Variants in SPEF2 observed in about 807,000 individuals in gnomAD.
SPEF2 encodes sperm flagellar and cilia associated 2.
Under a neutral mutation model 224.6 loss-of-function variants are expected in SPEF2, and 187 were observed. The ratio of observed to expected loss-of-function variants is 0.83; its 90% CI spans 0.74 to 0.94. The LOEUF (loss-of-function observed/expected upper bound fraction) is 0.94, where lower values mean the gene tolerates loss of function less well. Ranked by LOEUF, SPEF2 falls within the 40% of genes least tolerant of loss-of-function variation. The probability of loss-of-function intolerance (pLI) is 0.00; values close to 1 mark genes in which losing one functional copy is unlikely to be tolerated. For missense variants in SPEF2, 2,170 were observed against 2,135.6 expected, an observed-to-expected ratio of 1.02 and a Z score of -0.32; for synonymous variants, 715 against 707.3, an observed-to-expected ratio of 1.01 and a Z score of -0.17.
intron 32 of SPEF2, among the ~76,000 whole-genome samples, chr5:35,795,243 A>G (rs1324184535): frequency 6.6e-6 from 1 of 152,042 alleles, no homozygotes; most frequent in East Asian, 1.9e-4. Context: ...AAAACTAGCA[A>G]TGTACACCAG....
At chr5:35,642,671 T>C (rs1746769167) in intron 3 of SPEF2, among the ~76,000 whole-genome samples, 1 of 152,240 alleles carries the variant, frequency 6.6e-6, no homozygotes, top group Non-Finnish European at 1.5e-5. Context: ...TTATGGTAAA[T>C]GAAGTGCATT....
chr5:35,624,649 A>G (rs1050208632), intron 1 of SPEF2, among the ~76,000 whole-genome samples: 1 of 149,680 alleles, frequency 6.7e-6, no homozygotes, highest in Non-Finnish European at 1.5e-5. Flanking sequence ...GTCTTCTTTT[A>G]TTTTTTGAGA....
At chr5:35,754,554 T>A (rs779278210) in intron 24 of SPEF2, among the ~76,000 whole-genome samples, 6 of 152,058 alleles carry the variant, frequency 3.9e-5, no homozygotes, top group Non-Finnish European at 8.8e-5. Flanking sequence ...GGAGATAGAG[T>A]CCCTGTCTTC....
intron 36 of SPEF2, among the ~76,000 whole-genome samples, chr5:35,812,903 A>G (rs1224493424): frequency 6.6e-6 from 1 of 152,196 alleles, no homozygotes; most frequent in African/African-American, 2.4e-5. Context: ...TTATCTTTAT[A>G]ACAAAATATG....
chr5:35,804,550 A>G (rs1380346368), intron 34 of SPEF2, among the ~76,000 whole-genome samples: 1 of 152,020 alleles, frequency 6.6e-6, no homozygotes, highest in African/African-American at 2.4e-5. Flanking sequence ...GTTTGATCTC[A>G]GTCTCTCTCC....
intron 2 of SPEF2, among the ~76,000 whole-genome samples, chr5:35,640,598 T>G (rs1198386225): frequency 1.3e-5 from 2 of 152,204 alleles, no homozygotes; most frequent in African/African-American, 4.8e-5. Context: ...ATATTTAGTC[T>G]CATGCTGAGA....
rs191582104 is a variant in SPEF2 at position 35,692,087 on chromosome 5, C to A, written c.1745-483C>A. 1.9e-3 allele frequency among the ~76,000 whole-genome samples: 284 copies of A among 152,104 alleles called. 2 individuals carry two copies. Among genetic ancestry groups the A allele is most frequent in the African/African-American group, 6.6e-3 (274 of 41,534 alleles). On this transcript the variant is annotated intron_variant, in intron 11 of 36. Coordinates refer to ENST00000356031, the MANE Select transcript of SPEF2 (RefSeq NM_024867.4). ...TGCTGGGATTACAAGCATGAGCCAC[C>A]GTGCCCAGCCTTATCACGTTTTTTA...
At chr5:35,636,437 A>G (rs1024817072) in intron 2 of SPEF2, among the ~76,000 whole-genome samples, 9 of 152,140 alleles carry the variant, frequency 5.9e-5, no homozygotes, top group African/African-American at 1.9e-4. Flanking sequence ...CTACACATGC[A>G]TATGGCCTCA....
chr5:35,798,599 C>T (rs1002121497), intron 33 of SPEF2, among the ~76,000 whole-genome samples: 1 of 151,970 alleles, frequency 6.6e-6, no homozygotes, highest in African/African-American at 2.4e-5. Flanking sequence ...ACATAGTTTA[C>T]CTATTTTATT....
chr5:35,629,225 C>T (rs955307667), intron 2 of SPEF2, among the ~76,000 whole-genome samples: 3 of 127,620 alleles, frequency 2.4e-5, no homozygotes, highest in African/African-American at 6.3e-5. Flanking sequence ...GTGATCTCGG[C>T]TCACTGCAAG....
intron 34 of SPEF2, among the ~76,000 whole-genome samples, chr5:35,805,291 G>A (rs1482988043): frequency 6.6e-6 from 1 of 151,976 alleles, no homozygotes. Context: ...CAGAGCTATA[G>A]CAAATGTAAC....
chr5:35,695,082 G>A (rs1212272646), intron 13 of SPEF2, among the ~76,000 whole-genome samples: 1 of 152,122 alleles, frequency 6.6e-6, no homozygotes, highest in East Asian at 1.9e-4. Context: ...TTTACTATGA[G>A]CATACAACAC....
chr5:35,744,455 C>T (rs1016144578), intron 23 of SPEF2, among the ~76,000 whole-genome samples: 2 of 152,154 alleles, frequency 1.3e-5, no homozygotes, highest in African/African-American at 4.8e-5. Context: ...TCATTCCAAT[C>T]CTATGAAGTT....
At chr5:35,643,404 G>A (rs1260001448) in intron 3 of SPEF2, 2 of 447,550 alleles carry the variant, frequency 4.5e-6, no homozygotes, top group Non-Finnish European at 9.0e-6. Flanking sequence ...GAGGAAGAGG[G>A]TAACATAGAT....
chr5:35,756,642 T>C (rs1351730213), intron 24 of SPEF2, among the ~76,000 whole-genome samples: 1 of 152,188 alleles, frequency 6.6e-6, no homozygotes, highest in Admixed American at 6.5e-5. Flanking sequence ...ATCAAGAATC[T>C]GTGGTGTTGG....
At chr5:35,645,795 A>T (rs986793466) in intron 4 of SPEF2, among the ~76,000 whole-genome samples, 1 of 152,112 alleles carries the variant, frequency 6.6e-6, no homozygotes, top group African/African-American at 2.4e-5. Flanking sequence ...CAAAAGGAAG[A>T]CTCTGTGTCT....
intron 30 of SPEF2, chr5:35,791,676 G>A (rs1755981338): frequency 2.6e-5 from 4 of 152,070 alleles, no homozygotes; most frequent in Admixed American, 2.0e-4. Flanking sequence ...GCAATTTGAA[G>A]TGAAAAACAA....
intron 25 of SPEF2, 28 bp from the exon 26 acceptor site, chr5:35,763,494 A>T: frequency 6.6e-7 from 1 of 1,514,030 alleles, no homozygotes; most frequent in Non-Finnish European, 8.8e-7. Flanking sequence ...AAAATTTTTT[A>T]TCCTTTTTGC....
chr5:35,758,028 C>G (rs956145045), intron 24 of SPEF2, among the ~76,000 whole-genome samples: 2 of 152,110 alleles, frequency 1.3e-5, no homozygotes, highest in African/African-American at 4.8e-5. Context: ...CTGTTCTTGT[C>G]TTTTGTTGTA....
Sources: allele counts gnomAD v4.1 joint callset (sites outside exome capture counted in the v4.1 genomes callset), GRCh38; gene constraint gnomAD v4.1.1; transcripts MANE v1.5; gene names NCBI Gene and HGNC (gene_info 2026-07-23, HGNC 2026-07-21).